The following CACNG8 variants were observed in gnomAD, a reference collection of about 807,000 sequenced individuals.
CACNG8 encodes voltage-dependent calcium channel gamma-8 subunit.
In CACNG8, 5 loss-of-function variants were observed where a neutral mutation model predicts 26.9. The observed-to-expected ratio is 0.19, with a 90% CI of 0.10 to 0.39. The LOEUF (loss-of-function observed/expected upper bound fraction) is 0.39, where lower values mean the gene tolerates loss of function less well. Ranked by LOEUF, CACNG8 falls within the 10% of genes least tolerant of loss-of-function variation. CACNG8 has a pLI of 1.00. For missense variants in CACNG8, 473 were observed against 609.4 expected, an observed-to-expected ratio of 0.78 and a Z score of 2.36; for synonymous variants, 321 against 296.7, an observed-to-expected ratio of 1.08 and a Z score of -0.84.
chr19:53,979,817 G>A (rs1215846326), intron 2 of CACNG8, 50 bp from the exon 3 acceptor site: 2 of 1,526,072 alleles, frequency 1.3e-6, no homozygotes, highest in Non-Finnish European at 1.8e-6. Flanking sequence ...AGGCGGCCGC[G>A]TCTGACCGCC....
In CACNG8 at chr19:53,982,711, C is replaced by G. The variant is rs1029899178; in HGVS notation, c.1140C>G (p.Val380=). ...TCCCCAAGGAGGCGGGCGGCGGCGT[C>G]ACGGTCACGGTCACCGGGCCGCCCG... The change falls in exon 4 of 4, where the codon GTC becomes GTG. Residue 380 remains valine (V), a synonymous_variant. Coordinates refer to ENST00000270458, the MANE Select transcript of CACNG8 (RefSeq NM_031895.6). This position sits in a 1 kb window ranked among gnomAD's most constrained non-coding sequence, Gnocchi z 8.4. The G allele has an allele frequency of 9.5e-6, 11 of 1,159,508 alleles. No homozygotes were observed. The highest frequency in any genetic ancestry group is 1.6e-5 in the African/African-American group (1 of 61,030). 71.8% of individuals were successfully genotyped at this position (1,159,508 alleles called of 1,614,324 possible).
intron 1 of CACNG8, among the ~76,000 whole-genome samples, chr19:53,967,212 T>C (rs2069276520): frequency 6.6e-6 from 1 of 152,152 alleles, no homozygotes; most frequent in Non-Finnish European, 1.5e-5. Context: ...GAGTTGAGAA[T>C]CACCGCTCTA....
chr19:53,980,514 G>T (rs961330896), intron 3 of CACNG8, among the ~76,000 whole-genome samples: 11 of 152,058 alleles, frequency 7.2e-5, no homozygotes, highest in African/African-American at 2.2e-4. Flanking sequence ...CTGGGAAACC[G>T]TCCAGGGCCG....
intron 1 of CACNG8, among the ~76,000 whole-genome samples, chr19:53,966,821 GT>G (rs1164403496): frequency 6.6e-6 from 1 of 152,188 alleles, no homozygotes; most frequent in Admixed American, 6.5e-5. Flanking sequence ...TTGCTGCTGT[GT>G]TAACAAATGA....
intron 2 of CACNG8, among the ~76,000 whole-genome samples, chr19:53,978,731 T>C (rs1212088974): frequency 1.3e-4 from 4 of 31,972 alleles, no homozygotes; most frequent in Non-Finnish European, 2.3e-4. Flanking sequence ...GTTTTAGGGG[T>C]GGGTGGAAAG....
Position 53,985,707 on chromosome 19 carries a change from G to C in CACNG8, c.*2858G>C, listed in dbSNP as rs1030180544. 2 of 152,060 alleles carry C rather than the reference G, an allele frequency of 1.3e-5. No individual in the cohort carries two copies. Among genetic ancestry groups the C allele is most frequent in the Non-Finnish European group, 2.9e-5 (2 of 68,078 alleles). The allele number at this position is 152,060 out of a possible 1,614,324, so 9.4% of individuals were successfully genotyped here. ...AAATTAGCCGGGTGTGGTGGTGCAC[G>C]CCTGTAGTCCCGGCTACTCAGGAGG... On this transcript the variant is annotated 3_prime_UTR_variant, in exon 4 of 4. Coordinates refer to ENST00000270458, the MANE Select transcript of CACNG8 (RefSeq NM_031895.6).
chr19:53,971,037 A>C (rs2069299640), intron 1 of CACNG8, among the ~76,000 whole-genome samples: 1 of 152,066 alleles, frequency 6.6e-6, no homozygotes. Context: ...CACGCCTGTA[A>C]TCCCAGCACT....
At chr19:53,968,497 C>T (rs58014857) in intron 1 of CACNG8, among the ~76,000 whole-genome samples, 12,078 of 151,770 alleles carry the variant, frequency 0.08, 586 homozygotes, top group African/African-American at 0.13. Flanking sequence ...TGGCCGGGCG[C>T]GGTGGCTCAC....
Position 53,979,846 on chromosome 19 carries a change from C to T in CACNG8, c.368-21C>T, listed in dbSNP as rs199889475. ...GACCGCCCTCGCTCTCCCTCCTTTT[C>T]CTTTCCTTCCTCCCCCGCAGGAGTT... On this transcript the variant is annotated intron_variant, in intron 2 of 3. Transcript: ENST00000270458. The T allele has an allele frequency of 7.6e-6, 12 of 1,582,058 alleles. No homozygotes were observed. The East Asian group carries it at 2.8e-4, about 37-fold the overall frequency.
chr19:53,976,293 G>A (rs1215430777), intron 1 of CACNG8, among the ~76,000 whole-genome samples: 1 of 152,236 alleles, frequency 6.6e-6, no homozygotes, highest in African/African-American at 2.4e-5. Context: ...GGTGGAGGTT[G>A]CAGTGAGCCG....
Position 53,988,537 on chromosome 19 carries a change from T to A in CACNG8, c.*5688T>A, listed in dbSNP as rs930087970. The A allele has an allele frequency of 1.5e-4, 22 of 150,188 alleles. No homozygotes were observed. Among genetic ancestry groups the A allele is most frequent in the African/African-American group, 5.4e-4 (22 of 40,696 alleles). 9.3% of individuals were successfully genotyped at this position (150,188 alleles called of 1,614,324 possible). A position where few individuals can be genotyped will look rare whatever the true frequency, so the allele number is the denominator to read the frequency against. On this transcript the variant is annotated 3_prime_UTR_variant, in exon 4 of 4. Transcript: ENST00000270458. ...ATCTCTTGGGCCCAGGAGGCAGAGG[T>A]TGCAGTGAGCCAAGATCACACCACT...
intron 1 of CACNG8, among the ~76,000 whole-genome samples, chr19:53,966,263 T>C (rs2069271965): frequency 6.6e-6 from 1 of 151,742 alleles, no homozygotes; most frequent in Admixed American, 6.6e-5. Flanking sequence ...AATTTTTGTA[T>C]TTTTAGTAGA....
intron 1 of CACNG8, among the ~76,000 whole-genome samples, chr19:53,963,804 C>CTCT (rs2069256883): frequency 2.3e-5 from 3 of 128,172 alleles, no homozygotes; most frequent in African/African-American, 5.7e-5. Flanking sequence ...TGCCTTTTCT[C>CTCT]TTTTTTTTTT....
In CACNG8 at chr19:53,987,261, G is replaced by A. The variant is rs571490923; in HGVS notation, c.*4412G>A. ...TTTTTTGTATTTTTAGTAAAGACGGGATTTCACCGTGTTGGCCAGGCCAAT... is the reference window on the plus strand; with the variant it reads ...TTTTTTGTATTTTTAGTAAAGACGGAATTTCACCGTGTTGGCCAGGCCAAT... On this transcript the variant is annotated 3_prime_UTR_variant, in exon 4 of 4. Coordinates refer to ENST00000270458, the MANE Select transcript of CACNG8 (RefSeq NM_031895.6). 3.3e-5 allele frequency: 5 copies of A among 152,224 alleles called. No individual in the cohort carries two copies. The highest frequency in any genetic ancestry group is 1.2e-4 in the African/African-American group (5 of 41,554). The allele number at this position is 152,224 out of a possible 1,614,324, so 9.4% of individuals were successfully genotyped here.
At chr19:53,980,576 C>G (rs1025027420) in intron 3 of CACNG8, among the ~76,000 whole-genome samples, 1 of 152,014 alleles carries the variant, frequency 6.6e-6, no homozygotes, top group Non-Finnish European at 1.5e-5. Context: ...GGCCCTTGCC[C>G]GTGGCCATTT....
At chr19:53,965,396 C>T (rs909150826) in intron 1 of CACNG8, among the ~76,000 whole-genome samples, 5 of 152,040 alleles carry the variant, frequency 3.3e-5, no homozygotes, top group Admixed American at 1.3e-4. Flanking sequence ...TCCGTCTCGC[C>T]TCCCATTCCT....
intron 3 of CACNG8, among the ~76,000 whole-genome samples, chr19:53,981,853 A>G (rs1164397274): frequency 6.6e-6 from 1 of 152,136 alleles, no homozygotes; most frequent in Non-Finnish European, 1.5e-5. Context: ...GTTGGAGCTT[A>G]GACCAGCAGG....
rs2069382372 is a variant in CACNG8 at position 53,982,866 on chromosome 19, C to T, written c.*17C>T. 3 of 1,270,638 alleles carry T rather than the reference C, an allele frequency of 2.4e-6. No homozygotes were observed. Among genetic ancestry groups the T allele is most frequent in the East Asian group, 7.3e-5 (2 of 27,344 alleles). The allele number at this position is 1,270,638 out of a possible 1,614,324, so 78.7% of individuals were successfully genotyped here. ...CCTGTGTAGGGGCGCGGCGGGGGAG[C>T]CGAGGGGCGTGTCCGGGGCGCGTGC... On this transcript the variant is annotated 3_prime_UTR_variant, in exon 4 of 4. Coordinates refer to ENST00000270458, the MANE Select transcript of CACNG8 (RefSeq NM_031895.6). The surrounding 1 kb of genome is among the most constrained non-coding windows in gnomAD (Gnocchi z 8.4).
intron 1 of CACNG8, among the ~76,000 whole-genome samples, chr19:53,976,287 GAGGTTGC>G (rs1479820003): frequency 6.6e-6 from 1 of 152,250 alleles, no homozygotes; most frequent in Non-Finnish European, 1.5e-5. Flanking sequence ...CCAGGAGGTG[GAGGTTGC>G]AGTGAGCCGA....
Sources: allele counts gnomAD v4.1 joint callset (sites outside exome capture counted in the v4.1 genomes callset), GRCh38; gene constraint gnomAD v4.1.1; non-coding constraint Gnocchi (gnomAD v3.1); transcripts MANE v1.5; gene names NCBI Gene and HGNC (gene_info 2026-07-23, HGNC 2026-07-21).